LMBRD1: variants seen among roughly 807,000 people sequenced by gnomAD.
LMBRD1 encodes the protein LMBR1 domain containing 1, also known as lysosomal cobalamin transport escort protein LMBD1.
In LMBRD1, 64 loss-of-function variants were observed where a neutral mutation model predicts 74.8. The observed-to-expected ratio is 0.86, with a 90% CI of 0.70 to 1.05. The LOEUF is 1.05. Among genes scored for constraint, LMBRD1 ranks in the 50% least tolerant of loss-of-function variants. The pLI is 0.00. For synonymous variants in LMBRD1, 204 were observed against 216.3 expected, an observed-to-expected ratio of 0.94 and a Z score of 0.50; for missense variants, 652 against 645.9, an observed-to-expected ratio of 1.01 and a Z score of -0.10.
intron 9 of LMBRD1, chr6:69,706,023 C>T (rs1238084624): frequency 2.0e-5 from 15 of 763,034 alleles, no homozygotes; most frequent in South Asian, 5.4e-5. Flanking sequence ...CTAAACTGAC[C>T]GTTCTTAAAG....
In LMBRD1 at chr6:69,713,764, T is replaced by C. The variant is rs771226867; in HGVS notation, c.796A>G (p.Lys266Glu). Residue 266 changes from lysine to glutamate, a missense_variant, in exon 9 of 16, where the codon AAA becomes GAA. Physicochemically the swap from Lys to Glu is moderately conservative, Grantham distance 56. Transcript: ENST00000649934. ...KDGRPLPARDKRALKQFEERL... is the reference protein window; with the variant it reads ...KDGRPLPARDERALKQFEERL... The stretch of plus-strand genomic sequence containing the variant: ...TCTTCAAATTGTTTTAAGGCGCGTT[T>C]ATCCCTTGCTGGCAAAGGTCGACCA... 3.3e-5 allele frequency: 53 copies of C among 1,613,572 alleles called. No homozygotes were observed. The highest frequency in any genetic ancestry group is 3.3e-4 in the Middle Eastern group (2 of 6,076).
chr6:69,730,809 A>G (rs1766839245), intron 7 of LMBRD1, among the ~76,000 whole-genome samples: 1 of 152,144 alleles, frequency 6.6e-6, no homozygotes, highest in Non-Finnish European at 1.5e-5. Context: ...AAAAAGCAAC[A>G]GTCAAGTGCT....
intron 4 of LMBRD1, among the ~76,000 whole-genome samples, chr6:69,751,134 TTTCCTG>T (rs532054737): frequency 5.6e-4 from 85 of 152,268 alleles, no homozygotes; most frequent in Non-Finnish European, 9.6e-4. Flanking sequence ...TATTAATAGA[TTTCCTG>T]ATTTTCAGTC....
chr6:69,694,915 C>G (rs563918691), intron 14 of LMBRD1, among the ~76,000 whole-genome samples: 1 of 152,278 alleles, frequency 6.6e-6, no homozygotes, highest in African/African-American at 2.4e-5. Context: ...TTGCTACTTT[C>G]ATCAACTGTC....
At position 69,796,845 on chromosome 6, in the gene LMBRD1, T is replaced by C. The variant is rs139251334; in HGVS notation, c.37A>G (p.Ile13Val). Residue 13 changes from isoleucine (I) to valine (V), a missense_variant, in exon 1 of 16, where the codon ATC (isoleucine) becomes GTC (valine). Physicochemically the swap from Ile to Val is conservative, Grantham distance 29. Coordinates refer to ENST00000649934, the MANE Select transcript of LMBRD1 (RefSeq NM_018368.4). ...TSGAASAELV[I>V]GWCIFGLLLL... is the part of the protein sequence containing the mutation. ...AAGAGGCCGAATATGCACCAGCCGATCACCAGCTCCGCCGAGGCCGCGCCA... is the reference window on the plus strand; with the variant it reads ...AAGAGGCCGAATATGCACCAGCCGACCACCAGCTCCGCCGAGGCCGCGCCA... 1.9e-5 allele frequency: 31 copies of C among 1,612,872 alleles called. No individual in the cohort carries two copies. The African/African-American group carries it at 3.9e-4, about 20-fold the overall frequency.
chr6:69,716,859 C>T (rs6934894), intron 8 of LMBRD1, among the ~76,000 whole-genome samples: 14,357 of 128,530 alleles, frequency 0.11, 1,806 homozygotes, highest in African/African-American at 0.3. Flanking sequence ...TTAGATTAAA[C>T]TTTAATTATT....
chr6:69,749,054 C>A (rs1310414541), intron 5 of LMBRD1, among the ~76,000 whole-genome samples: 1 of 151,840 alleles, frequency 6.6e-6, no homozygotes, highest in African/African-American at 2.4e-5. Flanking sequence ...AGGCAGATTA[C>A]CAAGAATTAT....
intron 9 of LMBRD1, among the ~76,000 whole-genome samples, chr6:69,707,005 T>C (rs1562092992): frequency 2.0e-5 from 3 of 152,292 alleles, no homozygotes; most frequent in South Asian, 4.1e-4. Flanking sequence ...TATGTTCCCT[T>C]CTGGAGACTC....
At chr6:69,714,118 T>G (rs551936857) in intron 8 of LMBRD1, among the ~76,000 whole-genome samples, 1 of 152,186 alleles carries the variant, frequency 6.6e-6, no homozygotes, top group East Asian at 1.9e-4. Flanking sequence ...TACTATGTAC[T>G]TTGCTCAATG....
intron 3 of LMBRD1, among the ~76,000 whole-genome samples, chr6:69,754,431 T>A (rs183898853): frequency 6.6e-6 from 1 of 152,318 alleles, no homozygotes; most frequent in East Asian, 1.9e-4. Context: ...GAAACAGCCC[T>A]ACTACATGCA....
chr6:69,699,340 C>T, intron 12 of LMBRD1, 148 bp from the exon 13 acceptor site: 1 of 696,270 alleles, frequency 1.4e-6, no homozygotes, highest in South Asian at 1.8e-5. Flanking sequence ...TTAATCATCC[C>T]AAATAATTTT....
At position 69,718,550 on chromosome 6, in the gene LMBRD1, G is replaced by A. The variant is rs540785082; in HGVS notation, c.762+406C>T. ...AGAGGTTTGATTGACTCACAGTTCC[G>A]CAGGGCTGCGAGGCCTCAGGAAACT... is the stretch of plus-strand genomic sequence containing the variant. On this transcript the variant is annotated intron_variant, in intron 8 of 15. Transcript: ENST00000649934. Among the ~76,000 whole-genome samples the A allele has an allele frequency of 2.6e-4, 40 of 152,260 alleles. No individual in the cohort carries two copies. The South Asian group carries it at 7.7e-3, about 29-fold the overall frequency.
intron 3 of LMBRD1, among the ~76,000 whole-genome samples, chr6:69,768,305 A>G (rs1047260005): frequency 7.9e-5 from 12 of 151,828 alleles, no homozygotes; most frequent in Non-Finnish European, 1.3e-4. Flanking sequence ...TACATTACCA[A>G]TTCCTGACTT....
intron 7 of LMBRD1, among the ~76,000 whole-genome samples, chr6:69,722,325 T>C (rs1241493449): frequency 6.6e-6 from 1 of 152,110 alleles, no homozygotes; most frequent in Non-Finnish European, 1.5e-5. Context: ...AGGATATTAA[T>C]GAGCAAGAGG....
intron 3 of LMBRD1, among the ~76,000 whole-genome samples, chr6:69,773,957 A>G (rs1765630254): frequency 6.6e-6 from 1 of 152,060 alleles, no homozygotes; most frequent in African/African-American, 2.4e-5. Flanking sequence ...ATTATGAACT[A>G]TATGATTCAA....
intron 2 of LMBRD1, among the ~76,000 whole-genome samples, 170 bp downstream of exon 2, chr6:69,790,126 G>C (rs769579836): frequency 6.6e-6 from 1 of 152,210 alleles, no homozygotes; most frequent in East Asian, 1.9e-4. Context: ...TATGTCAGTT[G>C]TAAGTCTGCT....
intron 7 of LMBRD1, among the ~76,000 whole-genome samples, chr6:69,729,509 T>C (rs1176585499): frequency 2.0e-5 from 3 of 151,998 alleles, no homozygotes; most frequent in Admixed American, 1.3e-4. Flanking sequence ...AGAACAAACA[T>C]TTATTATTAA....
At chr6:69,758,328 A>T (rs1466303134) in intron 3 of LMBRD1, among the ~76,000 whole-genome samples, 1 of 152,204 alleles carries the variant, frequency 6.6e-6, no homozygotes, top group Non-Finnish European at 1.5e-5. Flanking sequence ...CAAAGTATAA[A>T]GATATTCTGG....
intron 7 of LMBRD1, among the ~76,000 whole-genome samples, chr6:69,732,674 T>C (rs1766885517): frequency 6.6e-6 from 1 of 152,208 alleles, no homozygotes; most frequent in South Asian, 2.1e-4. Context: ...AGCATAATAA[T>C]ATGTAAATAT....
Sources: gnomAD v4.1 joint callset for allele counts (sites outside exome capture counted in the v4.1 genomes callset) on GRCh38, gnomAD v4.1.1 for gene constraint, MANE v1.5 for transcripts, NCBI Gene and HGNC (gene_info 2026-07-23, HGNC 2026-07-21) for gene names.